RNF20: variants seen among roughly 807,000 people sequenced by gnomAD.
The protein encoded by RNF20 is E3 ubiquitin-protein ligase BRE1A.
RNF20 carries 84 observed loss-of-function variants against 126.2 expected under a neutral mutation model. The ratio of observed to expected loss-of-function variants is 0.67; its 90% CI spans 0.56 to 0.80. RNF20 has a LOEUF of 0.80. RNF20 is among the 30% of genes least tolerant of loss of function. The probability of loss-of-function intolerance (pLI) is 0.00; values close to 1 mark genes in which losing one functional copy is unlikely to be tolerated. For missense variants in RNF20, 869 were observed against 1,188.2 expected (o/e 0.73, Z 3.95); for synonymous variants, 400 against 414.3 (o/e 0.97, Z 0.42).
Position 101,550,713 on chromosome 9 carries a change from A to T in RNF20, c.1200A>T (p.Ala400=), listed in dbSNP as rs1484581286. The T allele has an allele frequency of 6.2e-7, 1 of 1,614,184 alleles. No homozygotes were observed. Among genetic ancestry groups the T allele is most frequent in the South Asian group, 1.1e-5 (1 of 91,080 alleles). Residue 400 remains alanine (A), a synonymous_variant, in exon 10 of 20, where the codon GCA becomes GCT. Transcript: ENST00000389120. The part of the protein sequence containing the change: ...VLYNESLQLK[A]HLDEARTLLH... The stretch of plus-strand genomic sequence containing the variant: ...ATAATGAGAGCCTACAGTTGAAAGC[A>T]CACTTGGATGAGGCTCGGACCCTGC...
At position 101,540,336 on chromosome 9, in the gene RNF20, C is replaced by T. The variant is rs1465892335; in HGVS notation, c.263C>T (p.Ala88Val). Residue 88 changes from alanine (A) to valine (V), a missense_variant, in exon 3 of 20, where the codon GCC (alanine) becomes GTC (valine). Physicochemically the swap from Ala to Val is moderately conservative, Grantham distance 64. This residue lies in a region of RNF20 where 157 missense variants were observed against 236.0 expected (regional missense o/e 0.67). Coordinates refer to ENST00000389120, the MANE Select transcript of RNF20 (RefSeq NM_019592.7). ...GAACGACGACAGGCCACTGATGATG[C>T]CTCACTATTGATTGTCAACCGATAC... Reference protein sequence around the residue: ...KLERRQATDDASLLIVNRYWS... With the variant: ...KLERRQATDDVSLLIVNRYWS... 6.2e-7 allele frequency: 1 copy of T among 1,614,134 alleles called. No homozygotes were observed.
chr9:101,562,134 A>G (rs769467335), intron 19 of RNF20, 112 bp from the exon 20 acceptor site: 1 of 1,327,170 alleles, frequency 7.5e-7, no homozygotes, highest in Non-Finnish European at 1.0e-6. Flanking sequence ...GGGGGAAATG[A>G]TGCTCTTTTT....
chr9:101,544,113 A>G (rs1827308632), intron 5 of RNF20, among the ~76,000 whole-genome samples: 1 of 152,202 alleles, frequency 6.6e-6, no homozygotes. Context: ...GATTTCAGCT[A>G]TAGTATTTGC....
chr9:101,561,996 G>C lies in RNF20; in HGVS notation c.2736G>C (p.Glu912Asp), dbSNP rs192951075. The change falls in exon 19 of 20, where the codon GAG (glutamate) becomes GAC (aspartate). Residue 912 changes from glutamate (E) to aspartate (D), a missense_variant. Physicochemically the swap from Glu to Asp is conservative, Grantham distance 45. Around this residue, in one of 8 missense-constraint regions of RNF20, gnomAD observed 150 missense variants for 173.7 expected, o/e 0.86. Transcript: ENST00000389120. Reference protein sequence around the residue: ...VPKCDEILMEEIKDYKARLTC... With the variant: ...VPKCDEILMEDIKDYKARLTC... ...AGTGTGATGAGATTCTGATGGAAGA[G>C]ATTAAGGATTACAAGGTTAGAAAAA... The C allele has an allele frequency of 1.2e-6, 2 of 1,609,228 alleles. No homozygotes were observed. Among genetic ancestry groups the C allele is most frequent in the Admixed American group, 3.4e-5 (2 of 59,108 alleles).
intron 12 of RNF20, 44 bp downstream of exon 12, chr9:101,552,306 G>T (rs368759948): frequency 5.0e-6 from 8 of 1,612,996 alleles, no homozygotes; most frequent in Non-Finnish European, 6.8e-6. Context: ...TATTAATGTC[G>T]TAAAGCTGCT....
At chr9:101,536,355 C>T (rs766419163) in intron 2 of RNF20, among the ~76,000 whole-genome samples, 1 of 151,860 alleles carries the variant, frequency 6.6e-6, no homozygotes, top group African/African-American at 2.4e-5. Context: ...TTGTAAAATG[C>T]TTTACATTTG....
At chr9:101,557,179 A>T (rs1200645741) in intron 15 of RNF20, among the ~76,000 whole-genome samples, 1 of 152,232 alleles carries the variant, frequency 6.6e-6, no homozygotes. Context: ...GTACAGATCA[A>T]CTAATAAGTA....
At chr9:101,559,145 G>A (rs930707107) in intron 16 of RNF20, among the ~76,000 whole-genome samples, 3 of 152,030 alleles carry the variant, frequency 2.0e-5, no homozygotes, top group African/African-American at 7.2e-5. Flanking sequence ...ACCACCATTT[G>A]TTGAATAGGG....
In RNF20 at chr9:101,540,209, C is replaced by T. The variant is rs1187464593; in HGVS notation, c.136C>T (p.Leu46=). ...CGATTGGTTTACTGGGCAGGAGGAA[C>T]TAGACATTAGAACACTGCAAACCAA... ...KLGGVSSTEE[L]DIRTLQTKNR... Residue 46 remains leucine, a synonymous_variant, in exon 3 of 20, where the codon CTA becomes TTA. Transcript: ENST00000389120. The T allele has an allele frequency of 9.9e-6, 16 of 1,613,944 alleles. No individual in the cohort carries two copies. The highest frequency in any genetic ancestry group is 1.3e-5 in the Non-Finnish European group (15 of 1,179,908).
At chr9:101,537,387 T>G (rs767522934) in intron 2 of RNF20, among the ~76,000 whole-genome samples, 3 of 152,128 alleles carry the variant, frequency 2.0e-5, no homozygotes, top group Non-Finnish European at 4.4e-5. Context: ...GGAGCAGATT[T>G]TTGGGAGTCA....
chr9:101,551,585 A>C, intron 10 of RNF20, 99 bp from the exon 11 acceptor site: 1 of 1,094,280 alleles, frequency 9.1e-7, no homozygotes, highest in Non-Finnish European at 1.3e-6. Context: ...TTCATTACGT[A>C]TAGATTGAAC....
At chr9:101,550,244 T>C (rs1193708571) in intron 9 of RNF20, among the ~76,000 whole-genome samples, 2 of 152,246 alleles carry the variant, frequency 1.3e-5, no homozygotes, top group Non-Finnish European at 2.9e-5. Context: ...CTGTCAATTT[T>C]TTTCTCTGTC....
intron 19 of RNF20, 96 bp downstream of exon 19, chr9:101,562,107 G>T (rs1331248362): frequency 7.7e-7 from 1 of 1,303,698 alleles, no homozygotes; most frequent in Non-Finnish European, 1.1e-6. Flanking sequence ...CCAGAGAATG[G>T]TTTATTTTGG....
intron 9 of RNF20, 60 bp downstream of exon 9, chr9:101,547,578 A>G (rs1827373154): frequency 1.3e-6 from 2 of 1,588,242 alleles, no homozygotes; most frequent in African/African-American, 1.3e-5. Context: ...ACTCACGTAT[A>G]TACATAGTTG....
At chr9:101,552,782 C>A (rs754169977) in intron 13 of RNF20, 29 bp downstream of exon 13, 1 of 1,559,588 alleles carries the variant, frequency 6.4e-7, no homozygotes, top group Non-Finnish European at 8.7e-7. Flanking sequence ...GTAACAGTTT[C>A]GACTGAAAAG....
In RNF20 at chr9:101,552,743, A is replaced by G. The variant is rs1383293667; in HGVS notation, c.1891A>G (p.Ile631Val). ...AGCAGAAATTATCAAACAATTGAAG[A>G]TTGAACTCAAGTAAGAACCACATTT... ...KEAEIIKQLK[I>V]ELKKAQESQK... Residue 631 changes from isoleucine (I) to valine (V), a missense_variant, in exon 13 of 20, where the codon ATT (isoleucine) becomes GTT (valine). Transcript: ENST00000389120. 4 of 1,606,108 alleles carry G rather than the reference A, an allele frequency of 2.5e-6. No individual in the cohort carries two copies. Among genetic ancestry groups the G allele is most frequent in the Non-Finnish European group, 3.4e-6 (4 of 1,175,716 alleles).
chr9:101,535,150 G>A (rs973516783), intron 1 of RNF20, among the ~76,000 whole-genome samples: 1 of 151,616 alleles, frequency 6.6e-6, no homozygotes, highest in African/African-American at 2.4e-5. Context: ...CTCTTGATCC[G>A]CCCGCCTCGG....
At chr9:101,546,991 G>A in intron 7 of RNF20, 25 bp downstream of exon 7, 1 of 1,613,442 alleles carries the variant, frequency 6.2e-7, no homozygotes, top group South Asian at 1.1e-5. Context: ...ATGGCTTGGA[G>A]ACTAGAATCA....
chr9:101,562,452 T>C lies in RNF20; in HGVS notation c.*30T>C, dbSNP rs758943814. The C allele has an allele frequency of 1.9e-6, 3 of 1,587,600 alleles. No homozygotes were observed. Among genetic ancestry groups the C allele is most frequent in the Non-Finnish European group, 2.6e-6 (3 of 1,166,380 alleles). Reference sequence around the variant, plus strand: ...AGTCAAGAGAAGAAGAGGAGCTGGCTAGTCAGGAACTTATTCATTAACCAC... The same window carrying C: ...AGTCAAGAGAAGAAGAGGAGCTGGCCAGTCAGGAACTTATTCATTAACCAC... On this transcript the variant is annotated 3_prime_UTR_variant, in exon 20 of 20. Coordinates refer to ENST00000389120, the MANE Select transcript of RNF20 (RefSeq NM_019592.7).
Sources: gnomAD v4.1 joint callset for allele counts (sites outside exome capture counted in the v4.1 genomes callset) on GRCh38, gnomAD v4.1.1 for gene constraint, gnomAD v4.1.1 regional missense constraint, MANE v1.5 for transcripts, NCBI Gene and HGNC (gene_info 2026-07-23, HGNC 2026-07-21) for gene names.